The following SLC22A15 variants were observed in gnomAD, a reference collection of about 807,000 sequenced individuals.
SLC22A15 encodes the protein solute carrier family 22 member 15.
SLC22A15 carries 45 observed loss-of-function variants against 62.7 expected under a neutral mutation model. That is an observed-to-expected ratio of 0.72 (90% CI 0.56 to 0.92). SLC22A15 has a LOEUF of 0.92. SLC22A15 is among the 40% of genes least tolerant of loss of function. The pLI is 0.00. For synonymous variants in SLC22A15, 264 were observed against 267.0 expected (o/e 0.99, Z 0.11); for missense variants, 622 against 665.6 (o/e 0.93, Z 0.72).
At chr1:115,976,760 C>A in intron 1 of SLC22A15, 46 bp downstream of exon 1, 1 of 1,462,278 alleles carries the variant, frequency 6.8e-7, no homozygotes, top group South Asian at 1.2e-5. Context: ...TTCAGGGCCG[C>A]CCGGCGCAGG....
At chr1:116,037,556 C>A in intron 8 of SLC22A15, 168 bp downstream of exon 8, 1 of 601,510 alleles carries the variant, frequency 1.7e-6, no homozygotes, top group Non-Finnish European at 3.0e-6. Flanking sequence ...TTCAGCTATT[C>A]TCTGGGTGAA....
In SLC22A15 at chr1:116,067,206, GGCTTGGCTTGAAT is replaced by G. The variant is rs1658519475; in HGVS notation, c.*100_*112del. On this transcript the variant is annotated 3_prime_UTR_variant, in exon 12 of 12. Transcript: ENST00000369503. ...CTCCTAAGAGAGTTGTAAAAATAGA[GGCTTGGCTTGAAT>G]GTACATAGATGGTACCTGGCATGGA... 2 of 919,424 alleles carry G rather than the reference GGCTTGGCTTGAAT, an allele frequency of 2.2e-6. No individual in the cohort carries two copies. Among genetic ancestry groups the G allele is most frequent in the Admixed American group, 2.1e-5 (1 of 47,024 alleles). The allele number at this position is 919,424 out of a possible 1,614,324, so 57.0% of individuals were successfully genotyped here. A position where few individuals can be genotyped will look rare whatever the true frequency, so the allele number is the denominator to read the frequency against.
chr1:115,996,417 CT>C (rs930132693), intron 2 of SLC22A15, among the ~76,000 whole-genome samples: 2 of 152,078 alleles, frequency 1.3e-5, no homozygotes, highest in African/African-American at 4.8e-5. Context: ...GAATCAACGT[CT>C]TTACTATGCT....
At chr1:116,007,808 C>A (rs1030332869) in intron 2 of SLC22A15, among the ~76,000 whole-genome samples, 9 of 152,204 alleles carry the variant, frequency 5.9e-5, no homozygotes, top group Admixed American at 2.0e-4. Context: ...ATTCTTTCCA[C>A]TTCACTAGTG....
Position 116,019,596 on chromosome 1 carries a change from C to G in SLC22A15, c.315C>G (p.Ala105=). The G allele has an allele frequency of 6.2e-7, 1 of 1,604,420 alleles. No homozygotes were observed. The highest frequency in any genetic ancestry group is 8.5e-7 in the Non-Finnish European group (1 of 1,177,412). Reference sequence around the variant, plus strand: ...TCTTCCTCTAGTGGTTTTTAATTGCCAACAGATCCTACAAAGTCAGTGCAG... The same window carrying G: ...TCTTCCTCTAGTGGTTTTTAATTGCGAACAGATCCTACAAAGTCAGTGCAG... The part of the protein sequence containing the change: ...TSIASEWFLI[A]NRSYKVSAAS... The change falls in exon 3 of 12, where the codon GCC becomes GCG. Residue 105 remains alanine (A), a synonymous_variant. Transcript: ENST00000369503.
chr1:116,066,892 AG>A, intron 11 of SLC22A15, 126 bp from the exon 12 acceptor site: 2 of 938,838 alleles, frequency 2.1e-6, no homozygotes, highest in Non-Finnish European at 3.2e-6. Flanking sequence ...AGAATATTTT[AG>A]GGGCTATTTC....
chr1:116,060,334 G>A (rs78414881), intron 8 of SLC22A15, among the ~76,000 whole-genome samples: 2,749 of 152,298 alleles, frequency 0.018, 35 homozygotes, highest in Middle Eastern at 0.065. Flanking sequence ...ATGGGGTATT[G>A]GACTAATGCA....
At position 116,031,454 on chromosome 1, in the gene SLC22A15, C is replaced by A; in HGVS notation, c.817C>A (p.Arg273Ser). The stretch of plus-strand genomic sequence containing the variant: ...GCTGTACCTCATTGCCAAGAGGAAC[C>A]GCAAACTCAAGTGCACGTTCTCACT... ...EALYLIAKRN[R>S]KLKCTFSLTH... is the part of the protein sequence containing the mutation. The change falls in exon 6 of 12, where the codon CGC becomes AGC. Residue 273 changes from arginine to serine, a missense_variant. Transcript: ENST00000369503. 1 of 1,613,940 alleles carries A rather than the reference C, an allele frequency of 6.2e-7. No individual in the cohort carries two copies. Among genetic ancestry groups the A allele is most frequent in the Non-Finnish European group, 8.5e-7 (1 of 1,179,880 alleles).
intron 2 of SLC22A15, among the ~76,000 whole-genome samples, chr1:115,999,634 G>T (rs1037427708): frequency 1.3e-5 from 2 of 151,676 alleles, no homozygotes; most frequent in Non-Finnish European, 2.9e-5. Flanking sequence ...CTCCCGAGTA[G>T]CTGGGACTAA....
At chr1:116,061,365 C>A (rs1658374697) in intron 8 of SLC22A15, among the ~76,000 whole-genome samples, 2 of 151,974 alleles carry the variant, frequency 1.3e-5, no homozygotes, top group African/African-American at 4.8e-5. Context: ...GCCATACATT[C>A]CAAAGGAAGG....
rs11451882 is a variant in SLC22A15 at position 116,045,739 on chromosome 1, A to AAG, written c.1171+8352_1171+8353insGA. 6.5e-3 allele frequency among the ~76,000 whole-genome samples: 11 copies of AAG among 1,698 alleles called. 1 individual carries two copies. The Admixed American group carries it at 0.1, about 16-fold the overall frequency. 1.1% of individuals were successfully genotyped at this position (1,698 alleles called of 152,430 possible). On this transcript the variant is annotated intron_variant, in intron 8 of 11. Coordinates refer to ENST00000369503, the MANE Select transcript of SLC22A15 (RefSeq NM_018420.3). Reference sequence around the variant, plus strand: ...GGGCTACAGAGTGAGACTCCATCTCAAAAAAAAAAAAAAAAAAAGACTTAT... The same window carrying AAG: ...GGGCTACAGAGTGAGACTCCATCTCAAGAAAAAAAAAAAAAAAAAAGACTTAT...
intron 8 of SLC22A15, among the ~76,000 whole-genome samples, chr1:116,048,654 C>T (rs1048787050): frequency 6.6e-6 from 1 of 152,066 alleles, no homozygotes; most frequent in South Asian, 2.1e-4. Context: ...CACACAGGAC[C>T]TATAAAACAA....
intron 8 of SLC22A15, among the ~76,000 whole-genome samples, chr1:116,051,968 G>A (rs1013513392): frequency 4.6e-5 from 7 of 152,240 alleles, no homozygotes; most frequent in East Asian, 3.8e-4. Context: ...AGCTCCCAGC[G>A]TGAGCGACGC....
chr1:115,982,344 A>G lies in SLC22A15; in HGVS notation c.87+5630A>G, dbSNP rs576321712. Among the ~76,000 whole-genome samples the G allele has an allele frequency of 3.3e-5, 5 of 152,340 alleles. No homozygotes were observed. The East Asian group carries it at 9.6e-4, about 29-fold the overall frequency. Reference sequence around the variant, plus strand: ...ATCACTAGTGATTCTACCACCCTAAAGTAAAGCATGCTCACATTTTGGTGT... The same window carrying G: ...ATCACTAGTGATTCTACCACCCTAAGGTAAAGCATGCTCACATTTTGGTGT... On this transcript the variant is annotated intron_variant, in intron 1 of 11. Transcript: ENST00000369503.
intron 2 of SLC22A15, among the ~76,000 whole-genome samples, chr1:116,008,390 A>G (rs1034892830): frequency 1.3e-5 from 2 of 152,212 alleles, no homozygotes; most frequent in Non-Finnish European, 2.9e-5. Context: ...TTGGCTTTAT[A>G]TTGTTGAACT....
chr1:116,062,668 C>A, intron 8 of SLC22A15, 94 bp from the exon 9 acceptor site: 2 of 1,462,718 alleles, frequency 1.4e-6, no homozygotes, highest in African/African-American at 1.4e-5. Flanking sequence ...TTGAGATCAA[C>A]ATGAATGCCA....
intron 5 of SLC22A15, among the ~76,000 whole-genome samples, chr1:116,028,235 A>G (rs1657199592): frequency 1.3e-5 from 2 of 152,130 alleles, no homozygotes; most frequent in Admixed American, 1.3e-4. Context: ...TAAAAATAAA[A>G]TTTATTAAAT....
At chr1:116,034,035 C>T (rs1352140815) in intron 6 of SLC22A15, among the ~76,000 whole-genome samples, 1 of 152,170 alleles carries the variant, frequency 6.6e-6, no homozygotes, top group East Asian at 1.9e-4. Flanking sequence ...GGAAATAAAA[C>T]TTTCCCTTTC....
rs765508307 is a variant in SLC22A15 at position 116,035,279 on chromosome 1, T to C, written c.1037T>C (p.Ile346Thr). 2.5e-6 allele frequency: 4 copies of C among 1,613,372 alleles called. No homozygotes were observed. The highest frequency in any genetic ancestry group is 3.4e-6 in the Non-Finnish European group (4 of 1,179,532). The change falls in exon 7 of 12, where the codon ATA becomes ACA. Residue 346 changes from isoleucine (I) to threonine (T), a missense_variant. Transcript: ENST00000369503. ...IYANLALSGLIEIPSYPLCIY... is the reference protein window; with the variant it reads ...IYANLALSGLTEIPSYPLCIY... ...GCCAACCTGGCCCTGTCTGGCCTCA[T>C]AGAGATTCCATCTTACCCTCTCTGT...
Sources: gnomAD v4.1 joint callset for allele counts (sites outside exome capture counted in the v4.1 genomes callset) on GRCh38, gnomAD v4.1.1 for gene constraint, MANE v1.5 for transcripts, NCBI Gene and HGNC (gene_info 2026-07-23, HGNC 2026-07-21) for gene names.